EBAG9: variants seen among roughly 807,000 people sequenced by gnomAD.
EBAG9 encodes estrogen receptor binding site associated antigen 9, also known as receptor-binding cancer antigen expressed on SiSo cells.
EBAG9 carries 16 observed loss-of-function variants against 30.9 expected under a neutral mutation model. The ratio of observed to expected loss-of-function variants is 0.52; its 90% confidence interval spans 0.35 to 0.79. The LOEUF (loss-of-function observed/expected upper bound fraction) is 0.79. Ranked by LOEUF, EBAG9 falls within the 30% of genes least tolerant of loss-of-function variation. The pLI is 0.01. For synonymous variants in EBAG9, 93 were observed against 82.8 expected (o/e 1.12, Z -0.67); for missense variants, 197 against 242.1 (o/e 0.81, Z 1.24).
At chr8:109,562,954 C>G (rs1398380928) in intron 6 of EBAG9, among the ~76,000 whole-genome samples, 1 of 151,922 alleles carries the variant, frequency 6.6e-6, no homozygotes, top group African/African-American at 2.4e-5. Flanking sequence ...AGCTAGTAAC[C>G]AGGTCAAAAC....
At position 109,544,067 on chromosome 8, in the gene EBAG9, C is replaced by T. The variant is rs116517872; in HGVS notation, c.-16+3606C>T. ...AAAAAAAAAAAAGTATGTTATAGTA[C>T]AGGGATGGTGTATTTATCCAGGATG... On this transcript the variant is annotated intron_variant, in intron 1 of 6. Coordinates refer to ENST00000337573, the MANE Select transcript of EBAG9 (RefSeq NM_004215.5). Among the ~76,000 whole-genome samples the T allele has an allele frequency of 9.1e-3, 1,357 of 148,454 alleles. 14 individuals are homozygous for T. Among genetic ancestry groups the T allele is most frequent in the African/African-American group, 0.032 (1,273 of 40,192 alleles).
chr8:109,551,502 C>A (rs890200190), intron 2 of EBAG9, among the ~76,000 whole-genome samples: 2 of 152,066 alleles, frequency 1.3e-5, no homozygotes, highest in Non-Finnish European at 2.9e-5. Flanking sequence ...CACCTCAGGG[C>A]TTTACATGAA....
At chr8:109,554,616 T>G in intron 3 of EBAG9, 113 bp from the exon 4 acceptor site, 1 of 1,048,488 alleles carries the variant, frequency 9.5e-7, no homozygotes, top group Non-Finnish European at 1.4e-6. Flanking sequence ...TCCCGTGGGT[T>G]AAAAAAGTTT....
chr8:109,556,894 T>G lies in EBAG9; in HGVS notation c.322-41T>G, dbSNP rs751744225. On this transcript the variant is annotated intron_variant, in intron 4 of 6. Transcript: ENST00000337573. The stretch of plus-strand genomic sequence containing the variant: ...GGTTGTCTATTTTTATGTAGTGATT[T>G]GTAAAAGATCCCTATAATTCTTTTT... The G allele has an allele frequency of 3.6e-6, 4 of 1,113,098 alleles. No homozygotes were observed. In the South Asian group the frequency reaches 7.4e-5, roughly 21 times the overall value. The allele number at this position is 1,113,098 out of a possible 1,614,324, so 69.0% of individuals were successfully genotyped here.
rs751437681 is a variant in EBAG9, at chr8:109,564,570, A to T, written c.*11A>T. ...GTGAAACTTTCATAACACATGTTCA[A>T]ATTTTATCATGCCAGTAGGAGAAAT... On this transcript the variant is annotated 3_prime_UTR_variant, in exon 7 of 7. Transcript: ENST00000337573. 6.2e-7 allele frequency: 1 copy of T among 1,610,958 alleles called. No individual in the cohort carries two copies. The highest frequency in any genetic ancestry group is 8.5e-7 in the Non-Finnish European group (1 of 1,177,986).
intron 1 of EBAG9, among the ~76,000 whole-genome samples, chr8:109,544,340 CT>C (rs929591765): frequency 2.0e-5 from 3 of 151,760 alleles, no homozygotes; most frequent in African/African-American, 7.3e-5. Flanking sequence ...TATGTTTTTT[CT>C]TTTTGTTTTA....
At chr8:109,548,730 A>G (rs1457048898) in intron 1 of EBAG9, among the ~76,000 whole-genome samples, 1 of 151,974 alleles carries the variant, frequency 6.6e-6, no homozygotes, top group Non-Finnish European at 1.5e-5. Flanking sequence ...GCCTATATAA[A>G]TTTTTTTAAC....
chr8:109,542,553 G>A (rs1001626495), intron 1 of EBAG9, among the ~76,000 whole-genome samples: 1 of 152,104 alleles, frequency 6.6e-6, no homozygotes, highest in Non-Finnish European at 1.5e-5. Flanking sequence ...AGTACCACAC[G>A]TTCTGTAGTC....
Position 109,546,447 on chromosome 8 carries a change from C to G in EBAG9, c.-15-4363C>G, listed in dbSNP as rs145244956. 1.8e-3 allele frequency among the ~76,000 whole-genome samples: 277 copies of G among 152,278 alleles called. 1 individual carries two copies. The highest frequency in any genetic ancestry group is 6.4e-3 in the African/African-American group (264 of 41,532). ...TCGTCATGTCTGTCAGTGATCCTTCCTTCCCACTTCTCCCTGCCTCATTAC... is the reference window on the plus strand; with the variant it reads ...TCGTCATGTCTGTCAGTGATCCTTCGTTCCCACTTCTCCCTGCCTCATTAC... On this transcript the variant is annotated intron_variant, in intron 1 of 6. Transcript: ENST00000337573.
chr8:109,542,436 C>A (rs1159286941), intron 1 of EBAG9, among the ~76,000 whole-genome samples: 3 of 152,134 alleles, frequency 2.0e-5, no homozygotes, highest in African/African-American at 7.2e-5. Flanking sequence ...TTATTCTCAA[C>A]TTTTATTCAT....
chr8:109,557,723 GT>G (rs201233659), intron 5 of EBAG9: 5,097 of 455,830 alleles, frequency 0.011, 58 homozygotes, highest in Middle Eastern at 0.02. Context: ...TTTCTCATGA[GT>G]TTGCAGACAA....
chr8:109,564,512 C>A lies in EBAG9; in HGVS notation c.595C>A (p.Arg199=). 1 of 1,612,586 alleles carries A rather than the reference C, an allele frequency of 6.2e-7. No homozygotes were observed. The highest frequency in any genetic ancestry group is 8.5e-7 in the Non-Finnish European group (1 of 1,178,974). ...QRKKMEKEAQ[R]LMKKEQNKIG... ...GAAGAAAATGGAAAAGGAAGCACAA[C>A]GGCTAATGAAGAAGGAACAAAACAA... Residue 199 remains arginine, a synonymous_variant, in exon 7 of 7, where the codon CGG becomes AGG. Transcript: ENST00000337573.
At position 109,562,166 on chromosome 8, in the gene EBAG9, T is replaced by A. The variant is rs1331927431; in HGVS notation, c.521+1237T>A. On this transcript the variant is annotated intron_variant, in intron 6 of 6. Transcript: ENST00000337573. The stretch of plus-strand genomic sequence containing the variant: ...AAGACATTTTGGGGATTCTAGTAAT[T>A]ATTAGTGCCATTAACCACAAAGACA... 2.0e-5 allele frequency among the ~76,000 whole-genome samples: 3 copies of A among 152,070 alleles called. No individual in the cohort carries two copies. In the South Asian group the frequency reaches 6.2e-4, roughly 31 times the overall value.
chr8:109,545,128 C>T (rs1821356652), intron 1 of EBAG9, among the ~76,000 whole-genome samples: 2 of 151,730 alleles, frequency 1.3e-5, no homozygotes, highest in Admixed American at 1.3e-4. Flanking sequence ...TCGAGATTAG[C>T]CTGGCCAACA....
chr8:109,551,666 T>G (rs1821497136), intron 2 of EBAG9, among the ~76,000 whole-genome samples: 1 of 152,202 alleles, frequency 6.6e-6, no homozygotes, highest in South Asian at 2.1e-4. Flanking sequence ...AGATAAGTTT[T>G]TGTTTACTTA....
At chr8:109,545,321 CAAAAAAAAAAA>C (rs540899914) in intron 1 of EBAG9, among the ~76,000 whole-genome samples, 4 of 37,794 alleles carry the variant, frequency 1.1e-4, no homozygotes, top group Admixed American at 3.0e-4. Context: ...GACTGTGTCT[CAAAAAAAAAAA>C]AAAAAAAAAA....
At chr8:109,542,089 A>G (rs1208994796) in intron 1 of EBAG9, among the ~76,000 whole-genome samples, 1 of 152,204 alleles carries the variant, frequency 6.6e-6, no homozygotes, top group Non-Finnish European at 1.5e-5. Context: ...GGACAATAGT[A>G]TCTATGTCAT....
chr8:109,558,591 A>G (rs1161980381), intron 5 of EBAG9, among the ~76,000 whole-genome samples: 1 of 152,056 alleles, frequency 6.6e-6, no homozygotes, highest in Non-Finnish European at 1.5e-5. Context: ...TAAATATACA[A>G]CTACTTACAG....
chr8:109,553,671 T>G (rs1234751231), intron 2 of EBAG9, among the ~76,000 whole-genome samples, 194 bp from the exon 3 acceptor site: 1 of 152,200 alleles, frequency 6.6e-6, no homozygotes, highest in Non-Finnish European at 1.5e-5. Flanking sequence ...TGTCCAAGAT[T>G]TAAAAAACAT....
Sources: allele counts gnomAD v4.1 joint callset (sites outside exome capture counted in the v4.1 genomes callset), GRCh38; gene constraint gnomAD v4.1.1; transcripts MANE v1.5; gene names NCBI Gene and HGNC (gene_info 2026-07-23, HGNC 2026-07-21).